Variants in CSMD3 observed in about 807,000 individuals in gnomAD.
CSMD3 encodes the protein CUB and Sushi multiple domains 3.
CSMD3 carries 177 observed loss-of-function variants against 435.2 expected under a neutral mutation model. The observed-to-expected ratio is 0.41, with a 90% CI of 0.36 to 0.46. CSMD3 has a LOEUF of 0.46. CSMD3 is among the 20% of genes least tolerant of loss of function. The pLI is 0.34. For synonymous variants in CSMD3, 1,656 were observed against 1,520.5 expected (o/e 1.09, Z -2.07); for missense variants, 4,265 against 4,504.6 (o/e 0.95, Z 1.52).
At chr8:112,315,244 A>G (rs1405149474) in intron 47 of CSMD3, among the ~76,000 whole-genome samples, 1 of 151,916 alleles carries the variant, frequency 6.6e-6, no homozygotes, top group Non-Finnish European at 1.5e-5. Context: ...GCTTTAATAT[A>G]ATATATGTAT....
chr8:112,530,793 C>T (rs1443173188), intron 27 of CSMD3, among the ~76,000 whole-genome samples: 7 of 152,160 alleles, frequency 4.6e-5, no homozygotes, highest in Admixed American at 1.3e-4. Context: ...CCCTTGACTC[C>T]GAGCCAATAC....
At position 112,237,261 on chromosome 8, in the gene CSMD3, G is replaced by C. The variant is rs745384478; in HGVS notation, c.10556C>G (p.Thr3519Ser). 2 of 1,613,468 alleles carry C rather than the reference G, an allele frequency of 1.2e-6. No homozygotes were observed. The highest frequency in any genetic ancestry group is 1.7e-6 in the Non-Finnish European group (2 of 1,179,530). The change falls in exon 67 of 71, where the codon ACT becomes AGT. Residue 3519 changes from threonine (T) to serine (S), a missense_variant. By Grantham distance (58) the Thr-to-Ser change is moderately conservative. This residue lies in a region of CSMD3 where 3,255 missense variants were observed against 3,380.2 expected (regional missense o/e 0.96). Coordinates refer to ENST00000297405, the MANE Select transcript of CSMD3 (RefSeq NM_198123.2). ...TCTCCCAGTGGAAGCATTGAAACTA[G>C]TAACTGTTAAGGTCATGGGTTGTTT... The part of the protein sequence containing the change: ...GRKQPMTLTV[T>S]SFNASTGRVN...
rs569363152 is a variant in CSMD3 at position 113,132,682 on chromosome 8, A to T, written c.710-33719T>A. On this transcript the variant is annotated intron_variant, in intron 4 of 70. Transcript: ENST00000297405. ...GTTCTTTATAGTAGTGTGAAAGCGAACTAATACAGAAGCTTTCCCAAAGAA... is the reference window on the plus strand; with the variant it reads ...GTTCTTTATAGTAGTGTGAAAGCGATCTAATACAGAAGCTTTCCCAAAGAA... Among the ~76,000 whole-genome samples, 31 of 152,254 alleles carry T rather than the reference A, an allele frequency of 2.0e-4. No individual in the cohort carries two copies. In the East Asian group the frequency reaches 5.4e-3, roughly 27 times the overall value.
At chr8:112,389,337 G>T (rs917696049) in intron 36 of CSMD3, among the ~76,000 whole-genome samples, 2 of 152,104 alleles carry the variant, frequency 1.3e-5, no homozygotes, top group Non-Finnish European at 2.9e-5. Flanking sequence ...GATTCTAAAG[G>T]TATCATATCA....
chr8:113,122,961 C>A (rs2091026729), intron 4 of CSMD3, among the ~76,000 whole-genome samples: 1 of 151,204 alleles, frequency 6.6e-6, no homozygotes, highest in Non-Finnish European at 1.5e-5. Context: ...AAAGGTCTGG[C>A]ATGTCCTTTA....
At chr8:112,533,671 T>A (rs1825760268) in intron 27 of CSMD3, among the ~76,000 whole-genome samples, 1 of 151,938 alleles carries the variant, frequency 6.6e-6, no homozygotes, top group Admixed American at 6.6e-5. Flanking sequence ...ACAATAATAG[T>A]GGGGGACTTC....
At chr8:113,198,066 T>A in intron 3 of CSMD3, among the ~76,000 whole-genome samples, 1 of 151,512 alleles carries the variant, frequency 6.6e-6, no homozygotes, top group East Asian at 1.9e-4. Context: ...TATTTATTTC[T>A]GTAATACATC....
intron 35 of CSMD3, among the ~76,000 whole-genome samples, chr8:112,404,828 T>C (rs2129980043): frequency 6.6e-6 from 1 of 152,084 alleles, no homozygotes; most frequent in African/African-American, 2.4e-5. Context: ...ACTATTAAGA[T>C]TATTAAAATT....
At chr8:113,327,024 A>AT (rs2093988852) in intron 1 of CSMD3, among the ~76,000 whole-genome samples, 1 of 152,220 alleles carries the variant, frequency 6.6e-6, no homozygotes, top group South Asian at 2.1e-4. Flanking sequence ...GTCAAACATA[A>AT]TTGGATAGCT....
chr8:112,505,211 A>C (rs1822375122), intron 29 of CSMD3, among the ~76,000 whole-genome samples: 1 of 152,146 alleles, frequency 6.6e-6, no homozygotes, highest in African/African-American at 2.4e-5. Flanking sequence ...TTGGGAGACC[A>C]TCACACTATT....
chr8:112,740,571 C>G (rs1418660655), intron 13 of CSMD3, among the ~76,000 whole-genome samples: 1 of 151,778 alleles, frequency 6.6e-6, no homozygotes, highest in Non-Finnish European at 1.5e-5. Context: ...AAGGTATGCA[C>G]TCTGTTAAAT....
chr8:113,365,270 A>T (rs2094303977), intron 1 of CSMD3, among the ~76,000 whole-genome samples: 1 of 152,134 alleles, frequency 6.6e-6, no homozygotes, highest in Non-Finnish European at 1.5e-5. Context: ...CAAAAGCATC[A>T]GATTCTTGAA....
At chr8:112,845,626 A>G (rs1007427031) in intron 11 of CSMD3, among the ~76,000 whole-genome samples, 13 of 152,074 alleles carry the variant, frequency 8.5e-5, no homozygotes, top group African/African-American at 2.9e-4. Context: ...AACCATTTAA[A>G]TATTTTACAA....
chr8:113,398,634 GC>G (rs367980003), intron 1 of CSMD3, among the ~76,000 whole-genome samples: 171 of 152,120 alleles, frequency 1.1e-3, no homozygotes, highest in African/African-American at 3.9e-3. Context: ...ATCATGTACT[GC>G]TTCACTCATT....
At chr8:112,474,064 A>G (rs1818800639) in intron 31 of CSMD3, among the ~76,000 whole-genome samples, 1 of 152,136 alleles carries the variant, frequency 6.6e-6, no homozygotes, top group South Asian at 2.1e-4. Flanking sequence ...TCAAACACCA[A>G]AAGGAGGTTT....
chr8:112,336,934 T>G, intron 43 of CSMD3, 105 bp from the exon 44 acceptor site: 1 of 949,246 alleles, frequency 1.1e-6, no homozygotes, highest in East Asian at 2.6e-5. Flanking sequence ...TGAAACACAT[T>G]TATGCCTTGT....
chr8:112,575,520 A>G (rs1311279004), intron 23 of CSMD3, among the ~76,000 whole-genome samples: 3 of 152,016 alleles, frequency 2.0e-5, no homozygotes. Context: ...GAGTATTTGG[A>G]TACTAGAGGG....
At chr8:112,890,546 C>G (rs1318462656) in intron 10 of CSMD3, among the ~76,000 whole-genome samples, 1 of 151,700 alleles carries the variant, frequency 6.6e-6, no homozygotes, top group South Asian at 2.1e-4. Context: ...AGGAGGCTCC[C>G]GAATTCAAGA....
At chr8:112,229,247 A>C (rs1243354688) in intron 69 of CSMD3, among the ~76,000 whole-genome samples, 3 of 152,138 alleles carry the variant, frequency 2.0e-5, no homozygotes, top group Non-Finnish European at 4.4e-5. Flanking sequence ...TATACAACAT[A>C]GGCTTGGCTT....
Sources: allele counts gnomAD v4.1 joint callset (sites outside exome capture counted in the v4.1 genomes callset), GRCh38; gene constraint gnomAD v4.1.1; regional missense constraint gnomAD v4.1.1; transcripts MANE v1.5; gene names NCBI Gene and HGNC (gene_info 2026-07-23, HGNC 2026-07-21).